The following MARCHF6 variants were observed in gnomAD, a reference collection of about 807,000 sequenced individuals.
MARCHF6 encodes the protein E3 ubiquitin-protein ligase MARCHF6.
In MARCHF6, 31 loss-of-function variants were observed where a neutral mutation model predicts 133.7. The ratio of observed to expected loss-of-function variants is 0.23; its 90% CI spans 0.17 to 0.31. MARCHF6 has a LOEUF of 0.31. Among genes scored for constraint, MARCHF6 ranks in the 10% least tolerant of loss-of-function variants. MARCHF6 has a pLI of 1.00. For missense variants in MARCHF6, 723 were observed against 1,121.6 expected, an observed-to-expected ratio of 0.64 and a Z score of 5.08; for synonymous variants, 395 against 402.5, an observed-to-expected ratio of 0.98 and a Z score of 0.22.
Position 10,435,849 on chromosome 5 carries a change from T to A in MARCHF6, c.*2165T>A, listed in dbSNP as rs1303069102. 6.7e-6 allele frequency: 1 copy of A among 148,760 alleles called. No individual in the cohort carries two copies. The highest frequency in any genetic ancestry group is 6.7e-5 in the Admixed American group (1 of 14,890). The allele number at this position is 148,760 out of a possible 1,614,324, so 9.2% of individuals were successfully genotyped here. A position where few individuals can be genotyped will look rare whatever the true frequency, so the allele number is the denominator to read the frequency against. On this transcript the variant is annotated 3_prime_UTR_variant, in exon 26 of 26. Transcript: ENST00000274140. ...CTCCTGCCTCAGCCTCCCAAGTAGC[T>A]GGTACTACAGGTGCGTGCCACCACA...
Position 10,425,877 on chromosome 5 carries a change from C to G in MARCHF6, c.2374-513C>G, listed in dbSNP as rs181403869. On this transcript the variant is annotated intron_variant, in intron 23 of 25. Transcript: ENST00000274140. ...TTCTTGGACTTGCTTTTTTTATATT[C>G]ACTATAGAATTCTTTCATACTAAAT... Among the ~76,000 whole-genome samples, 16 of 152,192 alleles carry G rather than the reference C, an allele frequency of 1.1e-4. No individual in the cohort carries two copies. In the East Asian group the frequency reaches 3.1e-3, roughly 29 times the overall value.
chr5:10,423,616 G>A (rs182946399), intron 22 of MARCHF6, 119 bp from the exon 23 acceptor site: 70 of 535,082 alleles, frequency 1.3e-4, no homozygotes, highest in Middle Eastern at 5.2e-4. Context: ...TAAAATTGTT[G>A]CCAATCCTAT....
At chr5:10,395,449 T>G (rs1042501400) in intron 9 of MARCHF6, among the ~76,000 whole-genome samples, 1 of 152,156 alleles carries the variant, frequency 6.6e-6, no homozygotes, top group African/African-American at 2.4e-5. Flanking sequence ...GATGTTAGGT[T>G]TTCCTGTTTG....
intron 15 of MARCHF6, among the ~76,000 whole-genome samples, chr5:10,405,246 C>T (rs539858893): frequency 3.3e-5 from 5 of 152,064 alleles, no homozygotes; most frequent in African/African-American, 9.6e-5. Flanking sequence ...AACCCTTTTA[C>T]GATAGTAATG....
At chr5:10,394,929 A>G (rs1312121130) in intron 9 of MARCHF6, 144 bp downstream of exon 9, 3 of 554,102 alleles carry the variant, frequency 5.4e-6, no homozygotes, top group Admixed American at 7.1e-5. Flanking sequence ...CTTTCCAGGT[A>G]GCTGGGACTA....
intron 12 of MARCHF6, 39 bp from the exon 13 acceptor site, chr5:10,402,345 C>T (rs765256823): frequency 3.9e-6 from 6 of 1,547,660 alleles, no homozygotes; most frequent in Non-Finnish European, 5.4e-6. Flanking sequence ...TTTCATTGTA[C>T]CTTTAAATAC....
At chr5:10,411,798 G>A (rs932843774) in intron 19 of MARCHF6, among the ~76,000 whole-genome samples, 3 of 152,184 alleles carry the variant, frequency 2.0e-5, no homozygotes, top group Admixed American at 2.0e-4. Flanking sequence ...TAACATTATT[G>A]ATACATTTCA....
intron 24 of MARCHF6, among the ~76,000 whole-genome samples, chr5:10,429,386 G>A (rs1037794962): frequency 2.7e-5 from 4 of 148,428 alleles, no homozygotes; most frequent in Admixed American, 2.0e-4. Context: ...AAGTCATCTC[G>A]TCCAGTTCCT....
intron 1 of MARCHF6, among the ~76,000 whole-genome samples, chr5:10,371,319 CTG>C (rs1342730751): frequency 6.6e-6 from 1 of 151,684 alleles, no homozygotes; most frequent in Non-Finnish European, 1.5e-5. Flanking sequence ...GTGCTTAGAA[CTG>C]TGTGTAGAGA....
At position 10,435,663 on chromosome 5, in the gene MARCHF6, A is replaced by AAC. The variant is rs1561159394; in HGVS notation, c.*1979_*1980insAC. 3 of 6,958 alleles carry AAC rather than the reference A, an allele frequency of 4.3e-4. No homozygotes were observed. Among genetic ancestry groups the AAC allele is most frequent in the Admixed American group, 1.5e-3 (1 of 654 alleles). The allele number at this position is 6,958 out of a possible 1,614,324, so 0.4% of individuals were successfully genotyped here. ...ACTATATATATATATATATATATAT[A>AAC]TATATATATATATATATATATATAT... On this transcript the variant is annotated 3_prime_UTR_variant, in exon 26 of 26. Coordinates refer to ENST00000274140, the MANE Select transcript of MARCHF6 (RefSeq NM_005885.4).
chr5:10,419,528 C>T (rs1235530646), intron 22 of MARCHF6, among the ~76,000 whole-genome samples: 2 of 151,376 alleles, frequency 1.3e-5, no homozygotes, highest in East Asian at 3.9e-4. Context: ...TGAGGAGGAT[C>T]TAATTAAGCA....
Position 10,437,324 on chromosome 5 carries a change from C to G in MARCHF6, c.*3640C>G, listed in dbSNP as rs1017075390. On this transcript the variant is annotated 3_prime_UTR_variant, in exon 26 of 26. Coordinates refer to ENST00000274140, the MANE Select transcript of MARCHF6 (RefSeq NM_005885.4). ...TGTTATTCAGCCATCAAAAAAAAAC[C>G]CAACTAAAATGTCTTACCAGTAAAG... 2 of 151,774 alleles carry G rather than the reference C, an allele frequency of 1.3e-5. No individual in the cohort carries two copies. Among genetic ancestry groups the G allele is most frequent in the Non-Finnish European group, 2.9e-5 (2 of 67,960 alleles). 9.4% of individuals were successfully genotyped at this position (151,774 alleles called of 1,614,324 possible). A position where few individuals can be genotyped will look rare whatever the true frequency, so the allele number is the denominator to read the frequency against.
chr5:10,422,498 C>CT (rs544073249), intron 22 of MARCHF6, among the ~76,000 whole-genome samples: 5 of 152,076 alleles, frequency 3.3e-5, no homozygotes, highest in Admixed American at 6.5e-5. Flanking sequence ...TGTCATTGGA[C>CT]TTTTTTTCTG....
intron 17 of MARCHF6, among the ~76,000 whole-genome samples, chr5:10,408,094 A>T (rs1739016198): frequency 6.6e-6 from 1 of 151,998 alleles, no homozygotes; most frequent in Non-Finnish European, 1.5e-5. Flanking sequence ...TTATTTCCTC[A>T]AGTTTACTTC....
rs1382526131 is a variant in MARCHF6, at chr5:10,437,897, A to G, written c.*4213A>G. The G allele has an allele frequency of 6.6e-6, 1 of 152,544 alleles. No individual in the cohort carries two copies. The highest frequency in any genetic ancestry group is 1.5e-5 in the Non-Finnish European group (1 of 68,034). 9.4% of individuals were successfully genotyped at this position (152,544 alleles called of 1,614,324 possible). On this transcript the variant is annotated 3_prime_UTR_variant, in exon 26 of 26. Coordinates refer to ENST00000274140, the MANE Select transcript of MARCHF6 (RefSeq NM_005885.4). ...TGTGTTATTGCAAGATTGCTTTAAG[A>G]TTGCAGAAATATGCATTATTAGCCA...
intron 5 of MARCHF6, among the ~76,000 whole-genome samples, chr5:10,388,126 C>T (rs1459432430): frequency 1.3e-5 from 2 of 152,144 alleles, no homozygotes; most frequent in Non-Finnish European, 2.9e-5. Flanking sequence ...TGGCAGGCTT[C>T]TTTTTCCCTC....
intron 1 of MARCHF6, among the ~76,000 whole-genome samples, chr5:10,371,611 T>C (rs1158695584): frequency 6.6e-6 from 1 of 152,128 alleles, no homozygotes; most frequent in African/African-American, 2.4e-5. Context: ...CTTGCCCCCA[T>C]GATTCAATTA....
intron 1 of MARCHF6, among the ~76,000 whole-genome samples, chr5:10,372,522 A>AT (rs923133595): frequency 2.7e-4 from 12 of 44,184 alleles, no homozygotes; most frequent in Non-Finnish European, 8.1e-4. Context: ...TCCCTTTAGG[A>AT]TTATTTTTTT....
chr5:10,404,199 C>T (rs1477418248), intron 15 of MARCHF6, among the ~76,000 whole-genome samples: 3 of 151,988 alleles, frequency 2.0e-5, no homozygotes, highest in African/African-American at 7.3e-5. Context: ...TCCCAAGTAG[C>T]TGGGACTGCA....
Sources: gnomAD v4.1 joint callset for allele counts (sites outside exome capture counted in the v4.1 genomes callset) on GRCh38, gnomAD v4.1.1 for gene constraint, MANE v1.5 for transcripts, NCBI Gene and HGNC (gene_info 2026-07-23, HGNC 2026-07-21) for gene names.